DYNC1I1: variants seen among roughly 807,000 people sequenced by gnomAD.
DYNC1I1 encodes the protein cytoplasmic dynein 1 intermediate chain 1.
In DYNC1I1, 43 loss-of-function variants were observed where a neutral mutation model predicts 86.6. The observed-to-expected ratio is 0.50, with a 90% CI of 0.39 to 0.64. The LOEUF is 0.64. DYNC1I1 is among the 30% of genes least tolerant of loss of function. The pLI is 0.00. For missense variants in DYNC1I1, 604 were observed against 788.8 expected, an observed-to-expected ratio of 0.77 and a Z score of 2.81; for synonymous variants, 262 against 283.7, an observed-to-expected ratio of 0.92 and a Z score of 0.77.
chr7:96,023,848 C>T (rs1794613089), intron 10 of DYNC1I1, among the ~76,000 whole-genome samples: 1 of 152,172 alleles, frequency 6.6e-6, no homozygotes, highest in Admixed American at 6.6e-5. Flanking sequence ...GCTAAGGCAT[C>T]TGCTAAAAAC....
intron 6 of DYNC1I1, among the ~76,000 whole-genome samples, chr7:95,951,435 T>C (rs746675354): frequency 6.6e-6 from 1 of 152,142 alleles, no homozygotes; most frequent in Non-Finnish European, 1.5e-5. Flanking sequence ...TGGGGTAGTT[T>C]TCTCTGGATT....
Position 95,972,535 on chromosome 7 carries a change from C to G in DYNC1I1, c.491-4977C>G, listed in dbSNP as rs559837249. On this transcript the variant is annotated intron_variant, in intron 6 of 16. Transcript: ENST00000447467. ...GAGGAAAGTAGGATCCAGCATATCA[C>G]CAATCCGGATTGCTGCAAAGGGAAT... Among the ~76,000 whole-genome samples the G allele has an allele frequency of 9.7e-3, 1,104 of 114,136 alleles. 11 individuals carry two copies. The highest frequency in any genetic ancestry group is 0.037 in the African/African-American group (1,046 of 28,162). The allele number at this position is 114,136 out of a possible 152,430, so 74.9% of individuals were successfully genotyped here. A position where few individuals can be genotyped will look rare whatever the true frequency, so the allele number is the denominator to read the frequency against.
intron 14 of DYNC1I1, among the ~76,000 whole-genome samples, chr7:96,050,033 A>G (rs571534049): frequency 6.8e-6 from 1 of 147,604 alleles, no homozygotes; most frequent in East Asian, 1.9e-4. Flanking sequence ...AAAAAAACAA[A>G]CAAACAAAAA....
At chr7:95,985,246 C>T (rs1338517149) in intron 8 of DYNC1I1, among the ~76,000 whole-genome samples, 1 of 152,106 alleles carries the variant, frequency 6.6e-6, no homozygotes, top group South Asian at 2.1e-4. Flanking sequence ...GAGTCACATG[C>T]ATTATCCTCT....
chr7:96,015,373 T>C (rs1794375686), intron 10 of DYNC1I1, among the ~76,000 whole-genome samples: 1 of 152,170 alleles, frequency 6.6e-6, no homozygotes. Context: ...GTCTTTAATA[T>C]GCCTCTAGAC....
chr7:96,075,957 T>C (rs1276750575), intron 14 of DYNC1I1, 100 bp from the exon 15 acceptor site: 3 of 1,503,860 alleles, frequency 2.0e-6, no homozygotes, highest in Non-Finnish European at 2.7e-6. Context: ...CGGGAAGTTT[T>C]ATGACACTTT....
intron 6 of DYNC1I1, among the ~76,000 whole-genome samples, chr7:95,873,397 A>G (rs2116185044): frequency 6.6e-6 from 1 of 152,304 alleles, no homozygotes; most frequent in Admixed American, 6.5e-5. Flanking sequence ...GGGTAAATGG[A>G]TTGAATAAAT....
At chr7:95,986,422 C>T (rs982349947) in intron 8 of DYNC1I1, among the ~76,000 whole-genome samples, 2 of 152,124 alleles carry the variant, frequency 1.3e-5, no homozygotes, top group African/African-American at 4.8e-5. Context: ...AGTTGAGTGT[C>T]AGCCAAGTAA....
intron 10 of DYNC1I1, among the ~76,000 whole-genome samples, chr7:96,009,843 G>A (rs967574960): frequency 2.0e-5 from 3 of 151,342 alleles, no homozygotes; most frequent in African/African-American, 2.4e-5. Context: ...TCAGTGGCAC[G>A]ATCTCGGCTC....
intron 6 of DYNC1I1, among the ~76,000 whole-genome samples, chr7:95,966,878 G>C (rs1793028465): frequency 6.6e-6 from 1 of 152,226 alleles, no homozygotes; most frequent in African/African-American, 2.4e-5. Context: ...GTGGGTGCAG[G>C]GAGGCACGGG....
At chr7:96,059,220 T>A (rs1789686046) in intron 14 of DYNC1I1, among the ~76,000 whole-genome samples, 1 of 152,106 alleles carries the variant, frequency 6.6e-6, no homozygotes, top group African/African-American at 2.4e-5. Flanking sequence ...ACACATGTAT[T>A]TTTCCAGTAG....
intron 15 of DYNC1I1, 36 bp downstream of exon 15, chr7:96,076,233 G>T (rs544568300): frequency 6.2e-7 from 1 of 1,609,456 alleles, no homozygotes; most frequent in South Asian, 1.1e-5. Flanking sequence ...CCGGAGGGCT[G>T]GGAGGGGGGC....
chr7:96,097,455 A>G (rs1791049112), intron 16 of DYNC1I1, 28 bp from the exon 17 acceptor site: 3 of 1,612,726 alleles, frequency 1.9e-6, no homozygotes, highest in Non-Finnish European at 2.5e-6. Flanking sequence ...TATCTTGTTC[A>G]TCATTTCTCC....
At chr7:95,791,298 C>G (rs1163003755) in intron 1 of DYNC1I1, among the ~76,000 whole-genome samples, 1 of 152,130 alleles carries the variant, frequency 6.6e-6, no homozygotes, top group African/African-American at 2.4e-5. Context: ...GAGAGAGTGC[C>G]CATTTCAGGC....
At chr7:95,937,199 C>T (rs78093309) in intron 6 of DYNC1I1, among the ~76,000 whole-genome samples, 4,922 of 151,920 alleles carry the variant, frequency 0.032, 135 homozygotes, top group Non-Finnish European at 0.049. Flanking sequence ...TTAAAGGGTA[C>T]GGAGTTTCAG....
At chr7:95,952,131 A>G (rs530071483) in intron 6 of DYNC1I1, among the ~76,000 whole-genome samples, 1 of 151,620 alleles carries the variant, frequency 6.6e-6, no homozygotes, top group Non-Finnish European at 1.5e-5. Flanking sequence ...CTTATTTTCT[A>G]CCTTCCTTTT....
chr7:95,862,406 A>G (rs751312087), intron 5 of DYNC1I1, among the ~76,000 whole-genome samples: 4 of 152,178 alleles, frequency 2.6e-5, no homozygotes, highest in Non-Finnish European at 4.4e-5. Context: ...TCAAATAGGC[A>G]TGTTCTCCAA....
chr7:95,819,342 A>C (rs1204721941), intron 4 of DYNC1I1, among the ~76,000 whole-genome samples: 1 of 152,156 alleles, frequency 6.6e-6, no homozygotes. Context: ...TCCTGTCTGC[A>C]TGTAGTTACT....
At chr7:95,988,133 T>C (rs969596106) in intron 9 of DYNC1I1, among the ~76,000 whole-genome samples, 21 of 152,280 alleles carry the variant, frequency 1.4e-4, no homozygotes, top group African/African-American at 4.6e-4. Flanking sequence ...TCCCAGCACT[T>C]TGGGAGGCCA....
Sources: allele counts gnomAD v4.1 joint callset (sites outside exome capture counted in the v4.1 genomes callset), GRCh38; gene constraint gnomAD v4.1.1; transcripts MANE v1.5; gene names NCBI Gene and HGNC (gene_info 2026-07-23, HGNC 2026-07-21).